ZNF438: variants seen among roughly 807,000 people sequenced by gnomAD.
ZNF438 encodes zinc finger protein 438.
Under a neutral mutation model 38.0 loss-of-function variants are expected in ZNF438, and 25 were observed. That is an observed-to-expected ratio of 0.66 (90% CI 0.48 to 0.92). ZNF438 has a LOEUF of 0.92. Ranked by LOEUF, ZNF438 falls within the 40% of genes least tolerant of loss-of-function variation. The pLI, the probability that ZNF438 is intolerant of heterozygous loss-of-function variation, is 0.00. For missense variants in ZNF438, 1,007 were observed against 999.6 expected (o/e 1.01, Z -0.10); for synonymous variants, 372 against 364.1 (o/e 1.02, Z -0.25).
At chr10:31,026,156 T>C (rs1391870137) in intron 1 of ZNF438, among the ~76,000 whole-genome samples, 1 of 152,128 alleles carries the variant, frequency 6.6e-6, no homozygotes, top group Admixed American at 6.6e-5. Flanking sequence ...ACCTAGGCAA[T>C]ACCATTCAGG....
At chr10:30,876,904 T>C in intron 4 of ZNF438, 94 bp downstream of exon 5, 2 of 853,836 alleles carry the variant, frequency 2.3e-6, no homozygotes, top group Non-Finnish European at 3.4e-6. Flanking sequence ...TTCTAGGAAA[T>C]AAGTTACCTT....
chr10:30,953,146 G>T (rs1415830935), intron 1 of ZNF438, among the ~76,000 whole-genome samples: 1 of 143,418 alleles, frequency 7.0e-6, no homozygotes, highest in Non-Finnish European at 1.5e-5. Context: ...GTAAACTGTC[G>T]CAAGAACAAA....
chr10:31,020,570 G>A (rs2056520460), intron 1 of ZNF438, among the ~76,000 whole-genome samples: 2 of 152,132 alleles, frequency 1.3e-5, no homozygotes, highest in Non-Finnish European at 2.9e-5. Context: ...GGAATGAGAT[G>A]TGACTGCTGT....
chr10:30,888,362 A>ACACACACACAC (rs1564574714), intron 3 of ZNF438, among the ~76,000 whole-genome samples: 49 of 36,534 alleles, frequency 1.3e-3, no homozygotes, highest in Middle Eastern at 0.015. Context: ...CACACACACA[A>ACACACACACAC]ACACACACAT....
chr10:30,940,089 T>C (rs2046659474), intron 2 of ZNF438, among the ~76,000 whole-genome samples: 1 of 152,170 alleles, frequency 6.6e-6, no homozygotes, highest in South Asian at 2.1e-4. Flanking sequence ...AGAACAAAAA[T>C]GGTTGCCAAG....
chr10:30,870,444 T>C (rs2037219460), intron 4 of ZNF438, among the ~76,000 whole-genome samples: 1 of 152,162 alleles, frequency 6.6e-6, no homozygotes, highest in Non-Finnish European at 1.5e-5. Context: ...TTTTGCATTT[T>C]TTGTGCTTCT....
chr10:30,881,126 A>AG (rs2039195345), intron 3 of ZNF438, among the ~76,000 whole-genome samples: 1 of 152,166 alleles, frequency 6.6e-6, no homozygotes, highest in Non-Finnish European at 1.5e-5. Context: ...CTGTATTGGA[A>AG]GTTCTAGCCA....
At position 30,923,609 on chromosome 10, in the gene ZNF438, G is replaced by A. The variant is rs558348416; in HGVS notation, c.-114-14594C>T. Among the ~76,000 whole-genome samples, 11 of 152,230 alleles carry A rather than the reference G, an allele frequency of 7.2e-5. No individual in the cohort carries two copies. In the South Asian group the frequency reaches 2.1e-3, roughly 29 times the overall value. On this transcript the variant is annotated intron_variant, in intron 2 of 5. Coordinates refer to ENST00000413025, the Ensembl canonical transcript of ZNF438. ...CCCAATGATCTTCAACACCTGTTGT[G>A]TCATGAATCATGCTTCCACATATAG...
At chr10:31,013,813 AC>A (rs1390795726) in intron 1 of ZNF438, among the ~76,000 whole-genome samples, 1 of 152,194 alleles carries the variant, frequency 6.6e-6, no homozygotes, top group East Asian at 1.9e-4. Flanking sequence ...AAAAAAATGA[AC>A]CAAACTAATA....
At chr10:30,871,459 T>A (rs1216288399) in intron 4 of ZNF438, among the ~76,000 whole-genome samples, 1 of 152,220 alleles carries the variant, frequency 6.6e-6, no homozygotes, top group Admixed American at 6.5e-5. Flanking sequence ...ACGCTTTAAA[T>A]CCTACTAAAG....
chr10:30,977,666 C>A (rs1482827651), intron 1 of ZNF438, among the ~76,000 whole-genome samples: 4 of 152,118 alleles, frequency 2.6e-5, no homozygotes, highest in South Asian at 4.1e-4. Context: ...TAGCTAAACT[C>A]TAGGGGATCC....
chr10:30,975,124 TA>T (rs1459170952), intron 1 of ZNF438, among the ~76,000 whole-genome samples: 1 of 152,210 alleles, frequency 6.6e-6, no homozygotes, highest in Non-Finnish European at 1.5e-5. Context: ...ATTGTTTTCT[TA>T]AAGATATAAT....
intron 1 of ZNF438, among the ~76,000 whole-genome samples, chr10:30,982,456 TA>T (rs1055116591): frequency 1.1e-4 from 16 of 152,094 alleles, no homozygotes; most frequent in African/African-American, 3.6e-4. Flanking sequence ...GTTAAACAAC[TA>T]AAAAATAGAT....
intron 2 of ZNF438, among the ~76,000 whole-genome samples, chr10:30,910,866 T>C (rs2043012885): frequency 6.6e-6 from 1 of 152,050 alleles, no homozygotes; most frequent in Admixed American, 6.6e-5. Context: ...TATCTTTTTA[T>C]GAAAAATCGA....
At chr10:30,926,428 G>A (rs2044927788) in intron 2 of ZNF438, among the ~76,000 whole-genome samples, 1 of 152,168 alleles carries the variant, frequency 6.6e-6, no homozygotes, top group African/African-American at 2.4e-5. Context: ...AGCACTTTGG[G>A]AGGCCGAGGC....
At chr10:30,989,579 G>T (rs1024151124) in intron 1 of ZNF438, among the ~76,000 whole-genome samples, 1 of 152,104 alleles carries the variant, frequency 6.6e-6, no homozygotes, top group Non-Finnish European at 1.5e-5. Flanking sequence ...GCTCTAAATG[G>T]TTGCTGAATA....
chr10:30,987,319 C>CAAAA (rs367636159), intron 1 of ZNF438, among the ~76,000 whole-genome samples: 1 of 102,942 alleles, frequency 9.7e-6, no homozygotes, highest in Non-Finnish European at 2.0e-5. Flanking sequence ...ACCCCTGTCT[C>CAAAA]AAAAAAAAAA....
chr10:30,887,676 C>T (rs1270934321), intron 3 of ZNF438, among the ~76,000 whole-genome samples: 3 of 152,242 alleles, frequency 2.0e-5, no homozygotes, highest in African/African-American at 7.2e-5. Flanking sequence ...GCGTGAGCCA[C>T]CGCGCCCGGC....
intron 2 of ZNF438, among the ~76,000 whole-genome samples, chr10:30,914,120 TAATA>T (rs776695056): frequency 8.5e-5 from 13 of 152,116 alleles, no homozygotes; most frequent in African/African-American, 1.2e-4. Flanking sequence ...AACAAGTTAT[TAATA>T]AACACAAGTT....
Sources: gnomAD v4.1 joint callset for allele counts (sites outside exome capture counted in the v4.1 genomes callset) on GRCh38, gnomAD v4.1.1 for gene constraint, MANE v1.5 for transcripts, NCBI Gene and HGNC (gene_info 2026-07-23, HGNC 2026-07-21) for gene names.